Variants in RBKS observed in about 807,000 individuals in gnomAD.
The protein encoded by RBKS is ribokinase.
A neutral mutation model predicts 33.9 loss-of-function variants in RBKS; 33 were observed. The ratio of observed to expected loss-of-function variants is 0.97; its 90% CI spans 0.74 to 1.30. The LOEUF is 1.30. Among genes scored for constraint, RBKS ranks in the 50% most tolerant of loss-of-function variants. The pLI is 0.00. For synonymous variants in RBKS, 125 were observed against 143.0 expected, an observed-to-expected ratio of 0.87 and a Z score of 0.90; for missense variants, 361 against 392.6, an observed-to-expected ratio of 0.92 and a Z score of 0.68.
At chr2:27,860,521 G>T (rs1210725891) in intron 1 of RBKS, among the ~76,000 whole-genome samples, 1 of 152,100 alleles carries the variant, frequency 6.6e-6, no homozygotes, top group East Asian at 1.9e-4. Context: ...ACAATTCACT[G>T]GTTTGAATCA....
intron 3 of RBKS, 83 bp from the exon 4 acceptor site, chr2:27,847,187 T>A: frequency 1.2e-6 from 1 of 806,392 alleles, no homozygotes; most frequent in Non-Finnish European, 2.1e-6. Context: ...ACAACACTAA[T>A]CCTTGGAAAA....
rs189666618 is a variant in RBKS, at chr2:27,793,765, A to G, written c.796-11977T>C. Among the ~76,000 whole-genome samples the G allele has an allele frequency of 1.1e-3, 173 of 152,318 alleles. 2 individuals carry two copies. The East Asian group carries it at 0.024, about 22-fold the overall frequency. ...GTAAAACTTCTTGAATTTGATAATT[A>G]TATTGTATTTTTGTTATGTCCTTTT... is the stretch of plus-strand genomic sequence containing the variant. On this transcript the variant is annotated intron_variant, in intron 7 of 7. Coordinates refer to ENST00000302188, the MANE Select transcript of RBKS (RefSeq NM_022128.3).
In RBKS at chr2:27,838,241, C is replaced by T. The variant is rs1346222274; in HGVS notation, c.514+4826G>A. The stretch of plus-strand genomic sequence containing the variant: ...AAACAAAAACAAGTCTGCACATGTA[C>T]CCCCGTGTCTAAAATAAAAGATGGA... On this transcript the variant is annotated intron_variant, in intron 5 of 7. Transcript: ENST00000302188. Among the ~76,000 whole-genome samples, 5 of 151,880 alleles carry T rather than the reference C, an allele frequency of 3.3e-5. No homozygotes were observed. In the East Asian group the frequency reaches 5.8e-4, roughly 18 times the overall value.
intron 5 of RBKS, among the ~76,000 whole-genome samples, chr2:27,840,020 CTTTT>C (rs57069432): frequency 1.8e-4 from 25 of 136,682 alleles, no homozygotes; most frequent in Admixed American, 1.5e-3. Flanking sequence ...CACTCTTCTT[CTTTT>C]TTTTTTTTTT....
chr2:27,851,561 G>A (rs1009096415), intron 2 of RBKS, among the ~76,000 whole-genome samples: 2 of 150,944 alleles, frequency 1.3e-5, no homozygotes, highest in African/African-American at 2.4e-5. Context: ...TTTTTGAGAC[G>A]GAGTTTCGCT....
chr2:27,824,167 G>A (rs1448112474), intron 7 of RBKS, among the ~76,000 whole-genome samples: 2 of 152,202 alleles, frequency 1.3e-5, no homozygotes, highest in East Asian at 3.9e-4. Context: ...CTTTTACTTA[G>A]TAGTATGTTT....
chr2:27,843,015 T>A (rs906533896), intron 5 of RBKS, 52 bp downstream of exon 5: 8 of 1,381,212 alleles, frequency 5.8e-6, no homozygotes, highest in Admixed American at 2.4e-5. Context: ...TAACTTTAAT[T>A]AAGACAGCGA....
intron 7 of RBKS, among the ~76,000 whole-genome samples, chr2:27,812,765 G>C (rs1182588040): frequency 6.6e-6 from 1 of 152,116 alleles, no homozygotes; most frequent in Non-Finnish European, 1.5e-5. Context: ...TAAATGATGA[G>C]TTAATGGGTG....
chr2:27,845,025 T>G (rs1306252883), intron 4 of RBKS, among the ~76,000 whole-genome samples: 1 of 152,198 alleles, frequency 6.6e-6, no homozygotes, highest in Non-Finnish European at 1.5e-5. Flanking sequence ...CTTAATAAAG[T>G]GGGGATGGTT....
intron 2 of RBKS, among the ~76,000 whole-genome samples, chr2:27,850,007 C>T: frequency 6.6e-6 from 1 of 152,070 alleles, no homozygotes; most frequent in East Asian, 1.9e-4. Context: ...TCTCCCATAC[C>T]CCTCTAATGC....
intron 6 of RBKS, among the ~76,000 whole-genome samples, chr2:27,829,736 G>C (rs971934214): frequency 6.6e-6 from 1 of 152,264 alleles, no homozygotes; most frequent in African/African-American, 2.4e-5. Flanking sequence ...TATTATATTG[G>C]CAATAGGGAG....
chr2:27,799,405 C>T (rs1478608394), intron 7 of RBKS, among the ~76,000 whole-genome samples: 5 of 152,160 alleles, frequency 3.3e-5, no homozygotes, highest in Admixed American at 6.5e-5. Flanking sequence ...ACAGTTACAG[C>T]GCGTGCATTC....
In RBKS at chr2:27,837,062, G is replaced by A. The variant is rs1337554315; in HGVS notation, c.515-4285C>T. Among the ~76,000 whole-genome samples, 5 of 151,902 alleles carry A rather than the reference G, an allele frequency of 3.3e-5. No homozygotes were observed. The East Asian group carries it at 9.7e-4, about 29-fold the overall frequency. On this transcript the variant is annotated intron_variant, in intron 5 of 7. Coordinates refer to ENST00000302188, the MANE Select transcript of RBKS (RefSeq NM_022128.3). This position sits in a 1 kb window ranked among gnomAD's most constrained non-coding sequence, Gnocchi z 4.0. ...CCGAGGCAGGCAGATCACGAGGATC[G>A]GGAGATTAAGATCATCCTGGCTAAC...
At chr2:27,864,450 C>T (rs11898195) in intron 1 of RBKS, among the ~76,000 whole-genome samples, 1,598 of 152,186 alleles carry the variant, frequency 0.011, 23 homozygotes, top group African/African-American at 0.037. Context: ...TCCTTGAGCC[C>T]TATTTATTTA....
chr2:27,869,165 G>A (rs1664156027), intron 1 of RBKS, among the ~76,000 whole-genome samples: 1 of 152,084 alleles, frequency 6.6e-6, no homozygotes, highest in South Asian at 2.1e-4. Flanking sequence ...TGTACCTAAA[G>A]CTCCTTGGAC....
chr2:27,873,525 TA>T (rs895396060), intron 1 of RBKS, among the ~76,000 whole-genome samples: 4 of 152,348 alleles, frequency 2.6e-5, no homozygotes, highest in Admixed American at 1.3e-4. Flanking sequence ...ATTGAGTTTC[TA>T]AAAGACTTTT....
intron 7 of RBKS, among the ~76,000 whole-genome samples, chr2:27,821,901 T>C (rs1678218915): frequency 6.6e-6 from 1 of 152,186 alleles, no homozygotes; most frequent in African/African-American, 2.4e-5. Context: ...ACCCAGCCCT[T>C]TCTCAAGTGT....
intron 2 of RBKS, among the ~76,000 whole-genome samples, chr2:27,853,329 C>A (rs540514412): frequency 7.2e-6 from 1 of 138,446 alleles, no homozygotes; most frequent in South Asian, 2.3e-4. Flanking sequence ...CACCGTAGTA[C>A]TACAGCCCAG....
At chr2:27,884,381 G>A (rs1490078744) in intron 1 of RBKS, among the ~76,000 whole-genome samples, 2 of 152,070 alleles carry the variant, frequency 1.3e-5, no homozygotes, top group African/African-American at 4.8e-5. Flanking sequence ...CCAGTAGCTG[G>A]GACTACAGGC....
Sources: allele counts gnomAD v4.1 joint callset (sites outside exome capture counted in the v4.1 genomes callset), GRCh38; gene constraint gnomAD v4.1.1; non-coding constraint Gnocchi (gnomAD v3.1); transcripts MANE v1.5; gene names NCBI Gene and HGNC (gene_info 2026-07-23, HGNC 2026-07-21).